The following STAB1 variants were observed in gnomAD, a reference collection of about 807,000 sequenced individuals.
STAB1 encodes the protein stabilin 1.
In STAB1, 250 loss-of-function variants were observed where a neutral mutation model predicts 332.4. The observed-to-expected ratio is 0.75, with a 90% CI of 0.68 to 0.84. The LOEUF (loss-of-function observed/expected upper bound fraction) is 0.84, where lower values mean the gene tolerates loss of function less well. Among genes scored for constraint, STAB1 ranks in the 40% least tolerant of loss-of-function variants. The pLI, the probability that STAB1 is intolerant of heterozygous loss-of-function variation, is 0.00. For synonymous variants in STAB1, 1,475 were observed against 1,390.4 expected, an observed-to-expected ratio of 1.06 and a Z score of -1.35; for missense variants, 3,249 against 3,489.7, an observed-to-expected ratio of 0.93 and a Z score of 1.74.
chr3:52,523,368 A>C (rs746855795), intron 64 of STAB1, 27 bp downstream of exon 64: 1 of 1,609,252 alleles, frequency 6.2e-7, no homozygotes, highest in Non-Finnish European at 8.5e-7. Flanking sequence ...TGGGCAGAGC[A>C]GAGCCTGCAT....
At position 52,524,106 on chromosome 3, in the gene STAB1, G is replaced by A. The variant is rs376865944; in HGVS notation, c.7549G>A (p.Asp2517Asn). The A allele has an allele frequency of 6.8e-6, 11 of 1,613,488 alleles. No homozygotes were observed. The highest frequency in any genetic ancestry group is 9.3e-6 in the Non-Finnish European group (11 of 1,180,038). Residue 2517 changes from aspartate (D) to asparagine (N), a missense_variant, in exon 68 of 69, where the codon GAT becomes AAT. Coordinates refer to ENST00000321725, the MANE Select transcript of STAB1 (RefSeq NM_015136.3). The part of the protein sequence containing the change: ...GFGFSAFQAE[D>N]DADDDFSPWQ... ...ACCCCTCTGCTGCTCCCAGGCGGAA[G>A]ATGATGCTGATGACGACTTCTCACC...
At chr3:52,507,774 G>A (rs1708984897) in intron 19 of STAB1, 99 bp downstream of exon 19, 7 of 1,529,114 alleles carry the variant, frequency 4.6e-6, no homozygotes, top group Non-Finnish European at 6.3e-6. Context: ...AGGCTGGGAG[G>A]CTAGATCACA....
In STAB1 at chr3:52,506,797, A is replaced by T; in HGVS notation, c.1936A>T (p.Ile646Phe). The T allele has an allele frequency of 6.2e-7, 1 of 1,613,156 alleles. No homozygotes were observed. The highest frequency in any genetic ancestry group is 8.5e-7 in the Non-Finnish European group (1 of 1,179,954). ...GGACGGCATCCTGCTGCCCCCGACC[A>T]TCCTGCCCATCCTGCCCAAGCACTG... ...MLDGILLPPTILPILPKHCSE... is the reference protein window; with the variant it reads ...MLDGILLPPTFLPILPKHCSE... The change falls in exon 18 of 69, where the codon ATC becomes TTC. Residue 646 changes from isoleucine (I) to phenylalanine (F), a missense_variant. Physicochemically the swap from Ile to Phe is conservative, Grantham distance 21 (BLOSUM62 0). Coordinates refer to ENST00000321725, the MANE Select transcript of STAB1 (RefSeq NM_015136.3).
chr3:52,513,355 C>T (rs949838701), intron 30 of STAB1, 114 bp downstream of exon 30: 6 of 1,012,756 alleles, frequency 5.9e-6, no homozygotes, highest in Non-Finnish European at 5.8e-6. Flanking sequence ...GGGGTCCCCT[C>T]GCCCTGCCCA....
rs751758894 is a variant in STAB1, at chr3:52,523,876, A to G, written c.7401A>G (p.Ala2467=). The G allele has an allele frequency of 6.2e-7, 1 of 1,601,156 alleles. No homozygotes were observed. Among genetic ancestry groups the G allele is most frequent in the Non-Finnish European group, 8.5e-7 (1 of 1,175,106 alleles). ...SPLLAPPQPQ[A]VLAPEAPPVA... ...CTCTCCCTGTTTGTTTGTAGCAGGC[A>G]GTGCTGGCGCCTGAAGCCCCACCTG... Residue 2467 remains alanine (A), a synonymous_variant, in exon 67 of 69, where the codon GCA becomes GCG. Coordinates refer to ENST00000321725, the MANE Select transcript of STAB1 (RefSeq NM_015136.3).
chr3:52,504,365 C>A, intron 10 of STAB1, 96 bp from the exon 11 acceptor site: 1 of 1,430,772 alleles, frequency 7.0e-7, no homozygotes, highest in Admixed American at 1.7e-5. Flanking sequence ...TACCCCCACC[C>A]CAACTCCCCC....
chr3:52,515,791 C>T (rs1251578207), intron 37 of STAB1, among the ~76,000 whole-genome samples: 1 of 152,172 alleles, frequency 6.6e-6, no homozygotes, highest in African/African-American at 2.4e-5. Context: ...GCAACTTGGC[C>T]TGGCTTGGCC....
rs779574277 is a variant in STAB1, at chr3:52,516,689, C to T, written c.4287-3C>T. On this transcript the variant is annotated splice_polypyrimidine_tract_variant and splice_region_variant and intron_variant, in intron 40 of 68. Coordinates refer to ENST00000321725, the MANE Select transcript of STAB1 (RefSeq NM_015136.3). ...GCTAAGCTGCTGCTACCACCCCTCC[C>T]AGCTGCGTGCAGGACTCGGCCGGAG... 3 of 1,612,436 alleles carry T rather than the reference C, an allele frequency of 1.9e-6. No individual in the cohort carries two copies. Among genetic ancestry groups the T allele is most frequent in the Non-Finnish European group, 2.5e-6 (3 of 1,179,936 alleles).
At position 52,505,305 on chromosome 3, in the gene STAB1, A is replaced by G. The variant is rs1437423815; in HGVS notation, c.1519-14A>G. 6.2e-7 allele frequency: 1 copy of G among 1,613,442 alleles called. No individual in the cohort carries two copies. Among genetic ancestry groups the G allele is most frequent in the South Asian group, 1.1e-5 (1 of 91,062 alleles). On this transcript the variant is annotated splice_polypyrimidine_tract_variant and intron_variant, in intron 13 of 68. Transcript: ENST00000321725. ...CCCCTTCCCTGGGGCCCTCACACTC[A>G]TCCCTCCTTACAGAGAACTATCGGA...
At chr3:52,504,429 C>T in intron 10 of STAB1, 32 bp from the exon 11 acceptor site, 1 of 1,610,730 alleles carries the variant, frequency 6.2e-7, no homozygotes, top group Middle Eastern at 1.7e-4. Flanking sequence ...CTCCCCAGCT[C>T]CCTTCTGATG....
rs1486384549 is a variant in STAB1 at position 52,504,686 on chromosome 3, T to C, written c.1240-53T>C. 31 of 1,612,890 alleles carry C rather than the reference T, an allele frequency of 1.9e-5. No homozygotes were observed. The East Asian group carries it at 6.0e-4, about 31-fold the overall frequency. ...CCCCTCCATTGCTGGGTAGAGGTGG[T>C]GTGAAGAGGACTGGCCCCCCGGCTC... On this transcript the variant is annotated intron_variant, in intron 11 of 68. Coordinates refer to ENST00000321725, the MANE Select transcript of STAB1 (RefSeq NM_015136.3).
At chr3:52,505,830 C>A (rs1158180995) in intron 15 of STAB1, 49 bp downstream of exon 15, 2 of 1,613,790 alleles carry the variant, frequency 1.2e-6, no homozygotes, top group African/African-American at 2.7e-5. Context: ...ACCAGGACCT[C>A]CACGCTCCCC....
intron 48 of STAB1, 72 bp from the exon 49 acceptor site, chr3:52,519,192 C>T: frequency 5.1e-6 from 8 of 1,555,690 alleles, no homozygotes; most frequent in Non-Finnish European, 7.0e-6. Context: ...CAGGTTCAAC[C>T]TCCACCTCAG....
chr3:52,507,038 A>G (rs1408359080), intron 18 of STAB1, among the ~76,000 whole-genome samples, 188 bp downstream of exon 18: 4 of 152,120 alleles, frequency 2.6e-5, no homozygotes, highest in Admixed American at 2.0e-4. Flanking sequence ...CTATGATTCC[A>G]TCTTTGAGAT....
rs751504848 is a variant in STAB1, at chr3:52,517,889, A to G, written c.4647A>G (p.Gly1549=). 2 of 1,612,186 alleles carry G rather than the reference A, an allele frequency of 1.2e-6. No individual in the cohort carries two copies. Among genetic ancestry groups the G allele is most frequent in the South Asian group, 2.2e-5 (2 of 90,986 alleles). ...ELLDPCSKNN[G]GCSPYATCKS... ...TCCTGTCCCTGACTCAGAACAATGG[A>G]GGATGCAGCCCATATGCCACCTGCA... The change falls in exon 45 of 69, where the codon GGA becomes GGG. Residue 1549 remains glycine (G), a synonymous_variant. Coordinates refer to ENST00000321725, the MANE Select transcript of STAB1 (RefSeq NM_015136.3).
intron 1 of STAB1, among the ~76,000 whole-genome samples, chr3:52,498,385 C>T (rs887130564): frequency 2.6e-5 from 4 of 152,186 alleles, no homozygotes; most frequent in South Asian, 2.1e-4. Flanking sequence ...GCTGGACCAA[C>T]GGCAAGATGT....
rs116505916 is a variant in STAB1 at position 52,520,926 on chromosome 3, C to T, written c.5829C>T (p.Gly1943=). ...TTTGGGGTAGGCCCCAAGGCCTGGGCAGGGGCTGCCACCGCAATTGTGTCA... is the reference window on the plus strand; with the variant it reads ...TTTGGGGTAGGCCCCAAGGCCTGGGTAGGGGCTGCCACCGCAATTGTGTCA... ...PSLWGRPQGL[G]RGCHRNCVTT... is the part of the protein sequence containing the mutation. Residue 1943 remains glycine (G), a synonymous_variant, in exon 55 of 69, where the codon GGC becomes GGT. Coordinates refer to ENST00000321725, the MANE Select transcript of STAB1 (RefSeq NM_015136.3). 4,665 of 1,595,774 alleles carry T rather than the reference C, an allele frequency of 2.9e-3. 130 individuals are homozygous for T. In the African/African-American group the frequency reaches 0.054, roughly 18 times the overall value.
chr3:52,497,393 T>C (rs1005902574), intron 1 of STAB1, among the ~76,000 whole-genome samples: 1 of 151,368 alleles, frequency 6.6e-6, no homozygotes, highest in Non-Finnish European at 1.5e-5. Flanking sequence ...ATAGATTATA[T>C]GTGAATTCGA....
At position 52,516,560 on chromosome 3, in the gene STAB1, G is replaced by A; in HGVS notation, c.4259G>A (p.Cys1420Tyr). Residue 1420 changes from cysteine to tyrosine, a missense_variant, in exon 40 of 69, where the codon TGC becomes TAC. Physicochemically the swap from Cys to Tyr is radical, Grantham distance 194. Transcript: ENST00000321725. Reference sequence around the variant, plus strand: ...CCCCCAGAAATCACCAGCCCTCAGTGCCCTAGGAAGTGCGACCCCAATGCC... The same window carrying A: ...CCCCCAGAAATCACCAGCCCTCAGTACCCTAGGAAGTGCGACCCCAATGCC... The part of the protein sequence containing the change: ...RCDQKITSPQ[C>Y]PRKCDPNANC... The A allele has an allele frequency of 6.2e-7, 1 of 1,613,218 alleles. No homozygotes were observed. The highest frequency in any genetic ancestry group is 8.5e-7 in the Non-Finnish European group (1 of 1,179,988).
Sources: gnomAD v4.1 joint callset for allele counts (sites outside exome capture counted in the v4.1 genomes callset) on GRCh38, gnomAD v4.1.1 for gene constraint, MANE v1.5 for transcripts, NCBI Gene and HGNC (gene_info 2026-07-23, HGNC 2026-07-21) for gene names.